The following EPHA7 variants were observed in gnomAD, a reference collection of about 807,000 sequenced individuals.
EPHA7 encodes EPH receptor A7.
In EPHA7, 25 loss-of-function variants were observed where a neutral mutation model predicts 112.6. The ratio of observed to expected loss-of-function variants is 0.22; its 90% CI spans 0.16 to 0.31. The LOEUF is 0.31. EPHA7 is among the 10% of genes least tolerant of loss of function. The pLI is 1.00. For synonymous variants in EPHA7, 437 were observed against 406.5 expected (o/e 1.07, Z -0.90); for missense variants, 962 against 1,212.6 (o/e 0.79, Z 3.07).
intron 3 of EPHA7, among the ~76,000 whole-genome samples, chr6:93,365,850 A>G (rs148903154): frequency 2.0e-5 from 3 of 152,210 alleles, no homozygotes; most frequent in African/African-American, 7.2e-5. Flanking sequence ...AACTCATTTC[A>G]AGGCATTTTA....
At chr6:93,403,623 T>A (rs1246046493) in intron 3 of EPHA7, among the ~76,000 whole-genome samples, 2 of 147,386 alleles carry the variant, frequency 1.4e-5, no homozygotes, top group Admixed American at 6.8e-5. Context: ...GAATAGCCAC[T>A]GCACTCCCAC....
intron 11 of EPHA7, 33 bp downstream of exon 11, chr6:93,258,066 T>A (rs993535570): frequency 6.3e-7 from 1 of 1,584,416 alleles, no homozygotes; most frequent in Non-Finnish European, 8.6e-7. Flanking sequence ...CACTCAGTCT[T>A]TTTGATAAAA....
intron 5 of EPHA7, among the ~76,000 whole-genome samples, chr6:93,294,648 A>G (rs1772559826): frequency 6.6e-6 from 1 of 152,128 alleles, no homozygotes. Flanking sequence ...TATAACATGT[A>G]TAATCATATA....
chr6:93,258,022 G>T, intron 11 of EPHA7, 77 bp downstream of exon 11: 2 of 1,320,234 alleles, frequency 1.5e-6, no homozygotes, highest in African/African-American at 1.5e-5. Context: ...TTCATAATTT[G>T]TTTTATTGTG....
Position 93,241,074 on chromosome 6 carries a change from T to C in EPHA7, c.*2352A>G, listed in dbSNP as rs1215195576. 1 of 207,684 alleles carries C rather than the reference T, an allele frequency of 4.8e-6. No homozygotes were observed. The allele number at this position is 207,684 out of a possible 1,614,324, so 12.9% of individuals were successfully genotyped here. A position where few individuals can be genotyped will look rare whatever the true frequency, so the allele number is the denominator to read the frequency against. On this transcript the variant is annotated 3_prime_UTR_variant, in exon 17 of 17. Coordinates refer to ENST00000369303, the MANE Select transcript of EPHA7 (RefSeq NM_004440.4). The stretch of plus-strand genomic sequence containing the variant: ...ATTTTTGAAAAAAACTCAAAAAAAC[T>C]TTTATTCTGCCCTTCTACTCAAGAA...
At chr6:93,416,281 A>C (rs1779221161) in intron 1 of EPHA7, among the ~76,000 whole-genome samples, 1 of 152,194 alleles carries the variant, frequency 6.6e-6, no homozygotes, top group South Asian at 2.1e-4. Context: ...ACAGGGAAAC[A>C]AGGTGGGTGG....
At chr6:93,391,616 C>G (rs1203652534) in intron 3 of EPHA7, among the ~76,000 whole-genome samples, 1 of 151,722 alleles carries the variant, frequency 6.6e-6, no homozygotes, top group Non-Finnish European at 1.5e-5. Context: ...AACTTCTTGA[C>G]CTGAGAAAAT....
intron 5 of EPHA7, among the ~76,000 whole-genome samples, chr6:93,324,927 T>C (rs1274279228): frequency 2.0e-5 from 3 of 151,428 alleles, no homozygotes; most frequent in East Asian, 1.9e-4. Flanking sequence ...AAGCCTTTTA[T>C]TGATAGATTT....
chr6:93,410,581 C>T lies in EPHA7; in HGVS notation c.752G>A (p.Ser251Asn), dbSNP rs1206466692. 1.9e-6 allele frequency: 3 copies of T among 1,613,950 alleles called. No homozygotes were observed. Among genetic ancestry groups the T allele is most frequent in the Admixed American group, 1.7e-5 (1 of 59,972 alleles). Reference sequence around the variant, plus strand: ...GGGCACTAACCATTCTCCTTCTGCACTGCAGTGCATCCTGGGGGCGTTTTC... The same window carrying T: ...GGGCACTAACCATTCTCCTTCTGCATTGCAGTGCATCCTGGGGGCGTTTTC... ...EAENAPRMHCSAEGEWLVPIG... is the reference protein window; with the variant it reads ...EAENAPRMHCNAEGEWLVPIG... The change falls in exon 3 of 17, where the codon AGT (serine) becomes AAT (asparagine). Residue 251 changes from serine to asparagine, a missense_variant. This residue lies in a region of EPHA7 where 160 missense variants were observed against 263.6 expected (regional missense o/e 0.61). Transcript: ENST00000369303. The surrounding 1 kb of genome is among the most constrained non-coding windows in gnomAD (Gnocchi z 4.0).
intron 5 of EPHA7, among the ~76,000 whole-genome samples, chr6:93,284,182 T>C (rs1005005256): frequency 6.6e-6 from 1 of 152,200 alleles, no homozygotes; most frequent in Non-Finnish European, 1.5e-5. Flanking sequence ...TTCTCTCCTT[T>C]TTTCCTGCTA....
chr6:93,381,341 A>G (rs537581624), intron 3 of EPHA7, among the ~76,000 whole-genome samples: 1 of 152,320 alleles, frequency 6.6e-6, no homozygotes, highest in African/African-American at 2.4e-5. Context: ...CTAGGACTGA[A>G]GAAATTGTGG....
chr6:93,401,982 T>C (rs1778456258), intron 3 of EPHA7, among the ~76,000 whole-genome samples: 1 of 151,894 alleles, frequency 6.6e-6, no homozygotes, highest in Non-Finnish European at 1.5e-5. Context: ...AAATGCAAAA[T>C]TTTAAGGCAT....
intron 5 of EPHA7, among the ~76,000 whole-genome samples, chr6:93,353,395 C>T (rs1394426538): frequency 6.6e-6 from 1 of 151,950 alleles, no homozygotes; most frequent in East Asian, 1.9e-4. Flanking sequence ...TATCTTAAAG[C>T]TAAGATTTAC....
chr6:93,413,661 A>G (rs1315707500), intron 2 of EPHA7, among the ~76,000 whole-genome samples: 2 of 151,976 alleles, frequency 1.3e-5, no homozygotes, highest in African/African-American at 4.8e-5. Context: ...TATCATAACC[A>G]ATACAGATAA....
intron 5 of EPHA7, among the ~76,000 whole-genome samples, chr6:93,276,208 T>C (rs148238736): frequency 4.6e-5 from 7 of 152,108 alleles, no homozygotes; most frequent in African/African-American, 1.7e-4. Flanking sequence ...GTGGGCACTA[T>C]CTAGTCATAC....
At chr6:93,375,377 A>G (rs1408193545) in intron 3 of EPHA7, among the ~76,000 whole-genome samples, 2 of 152,210 alleles carry the variant, frequency 1.3e-5, no homozygotes, top group African/African-American at 4.8e-5. Context: ...GCACTTTGGG[A>G]GGCCAAGGTG....
chr6:93,291,394 C>A (rs564778274), intron 5 of EPHA7, among the ~76,000 whole-genome samples: 8 of 152,088 alleles, frequency 5.3e-5, no homozygotes, highest in South Asian at 4.2e-4. Flanking sequence ...TATCATTAAG[C>A]GTCTAATCAC....
At chr6:93,276,740 A>G (rs551182915) in intron 5 of EPHA7, among the ~76,000 whole-genome samples, 3 of 152,240 alleles carry the variant, frequency 2.0e-5, no homozygotes, top group Admixed American at 6.5e-5. Flanking sequence ...AATAGCATGG[A>G]ATCAAGGAAT....
Position 93,410,877 on chromosome 6 carries a change from A to C in EPHA7, c.456T>G (p.Asp152Glu). The change falls in exon 3 of 17, where the codon GAT becomes GAG. Residue 152 changes from aspartate (D) to glutamate (E), a missense_variant. Asp to Glu is a conservative substitution (Grantham distance 45). Coordinates refer to ENST00000369303, the MANE Select transcript of EPHA7 (RefSeq NM_004440.4). This position sits in a 1 kb window ranked among gnomAD's most constrained non-coding sequence, Gnocchi z 4.0. ...CAAGGTCACCTTGGGTAAAACTTTCATCTGCAGCAATGGTGTCTATTTTTA... is the reference window on the plus strand; with the variant it reads ...CAAGGTCACCTTGGGTAAAACTTTCCTCTGCAGCAATGGTGTCTATTTTTA... ...LYVKIDTIAADESFTQGDLGE... is the reference protein window; with the variant it reads ...LYVKIDTIAAEESFTQGDLGE... The C allele has an allele frequency of 6.2e-7, 1 of 1,614,028 alleles. No homozygotes were observed. The highest frequency in any genetic ancestry group is 8.5e-7 in the Non-Finnish European group (1 of 1,179,956).
Sources: gnomAD v4.1 joint callset for allele counts (sites outside exome capture counted in the v4.1 genomes callset) on GRCh38, gnomAD v4.1.1 for gene constraint, gnomAD v4.1.1 regional missense constraint, Gnocchi (gnomAD v3.1) non-coding constraint, MANE v1.5 for transcripts, NCBI Gene and HGNC (gene_info 2026-07-23, HGNC 2026-07-21) for gene names.